MAPK6: variants seen among roughly 807,000 people sequenced by gnomAD.
MAPK6 encodes the protein mitogen-activated protein kinase 6, also known as ERK-3.
A neutral mutation model predicts 59.3 loss-of-function variants in MAPK6; 19 were observed. The ratio of observed to expected loss-of-function variants is 0.32; its 90% CI spans 0.22 to 0.47. The LOEUF is 0.47. Ranked by LOEUF, MAPK6 falls within the 20% of genes least tolerant of loss-of-function variation. The probability of loss-of-function intolerance (pLI) is 1.00; values close to 1 mark genes in which losing one functional copy is unlikely to be tolerated. For missense variants in MAPK6, 724 were observed against 847.9 expected, an observed-to-expected ratio of 0.85 and a Z score of 1.81; for synonymous variants, 316 against 290.3, an observed-to-expected ratio of 1.09 and a Z score of -0.90.
At chr15:52,052,542 A>G (rs1338074796) in intron 3 of MAPK6, among the ~76,000 whole-genome samples, 2 of 151,752 alleles carry the variant, frequency 1.3e-5, no homozygotes, top group African/African-American at 4.8e-5. Context: ...AAGATCCTGC[A>G]AACCATTAGC....
At chr15:52,033,187 TTAG>T (rs2031105963) in intron 1 of MAPK6, among the ~76,000 whole-genome samples, 3 of 152,172 alleles carry the variant, frequency 2.0e-5, no homozygotes, top group Non-Finnish European at 4.4e-5. Context: ...GGTGTGATGG[TTAG>T]TATTAAGTGT....
At chr15:52,001,991 G>A (rs1038527848) in intron 2 of MAPK6, among the ~76,000 whole-genome samples, 3 of 152,146 alleles carry the variant, frequency 2.0e-5, no homozygotes, top group Admixed American at 2.0e-4. Flanking sequence ...CTTCTTTGGA[G>A]TTTGGCTACA....
At chr15:52,056,009 G>T (rs560413351) in intron 3 of MAPK6, among the ~76,000 whole-genome samples, 1 of 152,286 alleles carries the variant, frequency 6.6e-6, no homozygotes, top group Admixed American at 6.5e-5. Context: ...GTGCTTTATT[G>T]ATTTTTGTCA....
upstream of MAPK6, among the ~76,000 whole-genome samples, chr15:52,014,476 CT>C (rs2030175645): frequency 6.6e-6 from 1 of 151,980 alleles, no homozygotes; most frequent in Non-Finnish European, 1.5e-5. Flanking sequence ...TTTGGGAGGC[CT>C]GAGGCAGGAG....
chr15:52,053,554 T>C (rs2031855050), intron 3 of MAPK6, among the ~76,000 whole-genome samples: 1 of 151,290 alleles, frequency 6.6e-6, no homozygotes, highest in South Asian at 2.1e-4. Context: ...ATTCTGCAGT[T>C]TTTTTTCCCT....
intron 1 of MAPK6, among the ~76,000 whole-genome samples, chr15:52,025,404 C>G (rs2030731368): frequency 1.3e-5 from 2 of 152,174 alleles, no homozygotes; most frequent in South Asian, 4.1e-4. Flanking sequence ...TAGAAGTGTT[C>G]TGTGCTATCC....
At position 52,066,594 on chromosome 15, in the gene MAPK6, A is replaced by G. The variant is rs568663965; in HGVS notation, c.*1594A>G. The G allele has an allele frequency of 1.3e-4, 11 of 87,774 alleles. No homozygotes were observed. In the East Asian group the frequency reaches 2.5e-3, roughly 20 times the overall value. 5.4% of individuals were successfully genotyped at this position (87,774 alleles called of 1,614,324 possible). A position where few individuals can be genotyped will look rare whatever the true frequency, so the allele number is the denominator to read the frequency against. On this transcript the variant is annotated 3_prime_UTR_variant, in exon 6 of 6. Transcript: ENST00000261845. The stretch of plus-strand genomic sequence containing the variant: ...CACTTTTCTTTCATCCTTGTTTTGT[A>G]CAACACCAATTCTATTAATATCTGC...
chr15:52,001,514 T>C (rs557903674), intron 2 of MAPK6, among the ~76,000 whole-genome samples: 26 of 149,562 alleles, frequency 1.7e-4, no homozygotes, highest in Middle Eastern at 3.4e-3. Context: ...CCTTTCTTTT[T>C]TTTTTTTTTT....
At chr15:52,054,307 G>T (rs780813838) in intron 3 of MAPK6, among the ~76,000 whole-genome samples, 1 of 147,828 alleles carries the variant, frequency 6.8e-6, no homozygotes, top group Non-Finnish European at 1.5e-5. Context: ...GGTGGAGGTT[G>T]CAGTGAGCCG....
At chr15:52,054,086 A>G (rs1348681513) in intron 3 of MAPK6, among the ~76,000 whole-genome samples, 1 of 151,760 alleles carries the variant, frequency 6.6e-6, no homozygotes, top group East Asian at 1.9e-4. Flanking sequence ...ATTCTTATAC[A>G]GCTGGGCGCG....
At position 52,055,204 on chromosome 15, in the gene MAPK6, T is replaced by G. The variant is rs551415178; in HGVS notation, c.701-3429T>G. ...CAGAGGATCACTTGAGCCCAGGAGT[T>G]AGAGACCAGCCTGGGCAGCATAGTG... On this transcript the variant is annotated intron_variant, in intron 3 of 5. Coordinates refer to ENST00000261845, the MANE Select transcript of MAPK6 (RefSeq NM_002748.4). Among the ~76,000 whole-genome samples the G allele has an allele frequency of 2.6e-3, 396 of 152,272 alleles. 7 individuals carry two copies. Among genetic ancestry groups the G allele is most frequent in the African/African-American group, 9.1e-3 (380 of 41,542 alleles).
chr15:52,041,314 A>G (rs1314253730), intron 1 of MAPK6, among the ~76,000 whole-genome samples: 1 of 152,036 alleles, frequency 6.6e-6, no homozygotes, highest in African/African-American at 2.4e-5. Flanking sequence ...CTCCTGCCTC[A>G]GCCTCTGGAG....
chr15:51,985,770 A>G (rs1263459364), intron 2 of MAPK6, among the ~76,000 whole-genome samples: 1 of 152,116 alleles, frequency 6.6e-6, no homozygotes, highest in African/African-American at 2.4e-5. Context: ...CATCCTGGCT[A>G]ACACGGTGAA....
intron 3 of MAPK6, among the ~76,000 whole-genome samples, chr15:52,005,870 G>A (rs781482803): frequency 6.6e-6 from 1 of 152,146 alleles, no homozygotes; most frequent in Non-Finnish European, 1.5e-5. Context: ...AGCCCCCAAG[G>A]ATTACTGCTG....
At chr15:51,992,253 C>T (rs896530097) in intron 2 of MAPK6, among the ~76,000 whole-genome samples, 10 of 146,796 alleles carry the variant, frequency 6.8e-5, no homozygotes, top group African/African-American at 2.1e-4. Context: ...CCACCGCACC[C>T]GGCTGTCCCT....
intron 2 of MAPK6, among the ~76,000 whole-genome samples, chr15:51,988,627 G>A (rs2057198462): frequency 6.6e-6 from 1 of 152,016 alleles, no homozygotes; most frequent in African/African-American, 2.4e-5. Flanking sequence ...AGCTACTCGG[G>A]AGGCTGAGGC....
At chr15:52,010,183 A>T (rs1387504907) in intron 3 of MAPK6, among the ~76,000 whole-genome samples, 1 of 152,166 alleles carries the variant, frequency 6.6e-6, no homozygotes. Context: ...GGAACTTGAT[A>T]AATGATTGCT....
In MAPK6 at chr15:52,064,680, G is replaced by C. The variant is rs146538100; in HGVS notation, c.1846G>C (p.Asp616His). The C allele has an allele frequency of 7.8e-5, 125 of 1,611,776 alleles. No individual in the cohort carries two copies. Among genetic ancestry groups the C allele is most frequent in the Non-Finnish European group, 1.0e-4 (119 of 1,179,808 alleles). Reference sequence around the variant, plus strand: ...AAATCAGTTTTGTGAGGTAAGGAAGGATGAACAAGTTGAGAAGGAAAACAC... The same window carrying C: ...AAATCAGTTTTGTGAGGTAAGGAAGCATGAACAAGTTGAGAAGGAAAACAC... ...FINQFCEVRK[D>H]EQVEKENTYT... The change falls in exon 6 of 6, where the codon GAT (aspartate) becomes CAT (histidine). Residue 616 changes from aspartate to histidine, a missense_variant. Physicochemically the swap from Asp to His is moderately conservative, Grantham distance 81 (BLOSUM62 -1). Around this residue, in one of 4 missense-constraint regions of MAPK6, gnomAD observed 502 missense variants for 507.6 expected, o/e 0.99. Transcript: ENST00000261845.
chr15:51,983,508 C>CAA (rs200178591), intron 2 of MAPK6, among the ~76,000 whole-genome samples: 53 of 145,302 alleles, frequency 3.6e-4, no homozygotes, highest in African/African-American at 1.3e-3. Context: ...ACGACAACAA[C>CAA]AAAAAAAAAC....
Sources: allele counts gnomAD v4.1 joint callset (sites outside exome capture counted in the v4.1 genomes callset), GRCh38; gene constraint gnomAD v4.1.1; regional missense constraint gnomAD v4.1.1; transcripts MANE v1.5; gene names NCBI Gene and HGNC (gene_info 2026-07-23, HGNC 2026-07-21).